Variants in ARHGEF38 observed in about 807,000 individuals in gnomAD.
ARHGEF38 encodes Rho guanine nucleotide exchange factor (GEF) 38.
Under a neutral mutation model 79.9 loss-of-function variants are expected in ARHGEF38, and 79 were observed. The observed-to-expected ratio is 0.99, with a 90% CI of 0.82 to 1.19. ARHGEF38 has a LOEUF of 1.19. ARHGEF38 is among the 50% of genes most tolerant of loss of function. The probability of loss-of-function intolerance (pLI) is 0.00; values close to 1 mark genes in which losing one functional copy is unlikely to be tolerated. For synonymous variants in ARHGEF38, 366 were observed against 328.3 expected, an observed-to-expected ratio of 1.11 and a Z score of -1.24; for missense variants, 962 against 907.2, an observed-to-expected ratio of 1.06 and a Z score of -0.78.
chr4:105,623,693 A>T (rs1560728491), intron 3 of ARHGEF38, among the ~76,000 whole-genome samples: 1 of 152,224 alleles, frequency 6.6e-6, no homozygotes, highest in African/African-American at 2.4e-5. Flanking sequence ...TTAGAACTGG[A>T]CTAATATTTC....
chr4:105,654,142 C>T lies in ARHGEF38; in HGVS notation c.1086C>T (p.Asn362=), dbSNP rs1299932210. 2 of 1,514,230 alleles carry T rather than the reference C, an allele frequency of 1.3e-6. No homozygotes were observed. The highest frequency in any genetic ancestry group is 2.7e-5 in the African/African-American group (2 of 72,830). 93.8% of individuals were successfully genotyped at this position (1,514,230 alleles called of 1,614,324 possible). A position where few individuals can be genotyped will look rare whatever the true frequency, so the allele number is the denominator to read the frequency against. The change falls in exon 8 of 14, where the codon AAC becomes AAT. Residue 362 remains asparagine (N), a synonymous_variant. Coordinates refer to ENST00000420470, the MANE Select transcript of ARHGEF38 (RefSeq NM_001242729.2). The part of the protein sequence containing the change: ...LEKTVRLCVK[N]ISLCLQHIQD... ...AGACTGTGAGGCTTTGTGTGAAGAA[C>T]ATTTCACTCTGTCTTCAACACATAC...
chr4:105,594,745 T>C (rs1238441301), intron 2 of ARHGEF38, among the ~76,000 whole-genome samples: 1 of 152,204 alleles, frequency 6.6e-6, no homozygotes, highest in Non-Finnish European at 1.5e-5. Flanking sequence ...CTGTAAACTT[T>C]AATCTTAACT....
chr4:105,575,444 G>T (rs1362269995), intron 1 of ARHGEF38, among the ~76,000 whole-genome samples: 1 of 152,036 alleles, frequency 6.6e-6, no homozygotes, highest in African/African-American at 2.4e-5. Flanking sequence ...TGGGTCATTT[G>T]TATATCTTCT....
chr4:105,577,430 T>C lies in ARHGEF38; in HGVS notation c.197-11818T>C, dbSNP rs570044001. Among the ~76,000 whole-genome samples the C allele has an allele frequency of 2.2e-3, 328 of 152,130 alleles. 3 individuals are homozygous for C. Among genetic ancestry groups the C allele is most frequent in the African/African-American group, 7.0e-3 (292 of 41,500 alleles). The stretch of plus-strand genomic sequence containing the variant: ...TTGTATCAGAGTGATGCTGGCTTCA[T>C]AGAATAATTTAGGTAGGATTCCCTC... On this transcript the variant is annotated intron_variant, in intron 1 of 13. Coordinates refer to ENST00000420470, the MANE Select transcript of ARHGEF38 (RefSeq NM_001242729.2).
chr4:105,636,099 T>C (rs926538410), intron 4 of ARHGEF38, among the ~76,000 whole-genome samples: 1 of 152,092 alleles, frequency 6.6e-6, no homozygotes, highest in Admixed American at 6.6e-5. Flanking sequence ...TCTTAAAATT[T>C]TTTTATATTG....
In ARHGEF38 at chr4:105,679,043, C is replaced by A; in HGVS notation, c.*1106C>A. The A allele has an allele frequency of 5.0e-6, 2 of 402,610 alleles. No homozygotes were observed. The highest frequency in any genetic ancestry group is 4.9e-5 in the South Asian group (1 of 20,596). 24.9% of individuals were successfully genotyped at this position (402,610 alleles called of 1,614,324 possible). A position where few individuals can be genotyped will look rare whatever the true frequency, so the allele number is the denominator to read the frequency against. On this transcript the variant is annotated 3_prime_UTR_variant, in exon 14 of 14. Coordinates refer to ENST00000420470, the MANE Select transcript of ARHGEF38 (RefSeq NM_001242729.2). ...AAGCTCACACTGCTAAATTAACTATCAAATACTCAGTCAAAACTCCATTTG... is the reference window on the plus strand; with the variant it reads ...AAGCTCACACTGCTAAATTAACTATAAAATACTCAGTCAAAACTCCATTTG...
intron 2 of ARHGEF38, among the ~76,000 whole-genome samples, chr4:105,591,826 C>T (rs1052695765): frequency 3.3e-5 from 5 of 152,142 alleles, no homozygotes; most frequent in African/African-American, 1.2e-4. Flanking sequence ...CTGGAAATTT[C>T]TTATTCATGA....
intron 3 of ARHGEF38, among the ~76,000 whole-genome samples, chr4:105,628,165 C>G (rs978075002): frequency 3.3e-5 from 5 of 152,156 alleles, no homozygotes; most frequent in Admixed American, 1.3e-4. Flanking sequence ...TTTAGCTCTT[C>G]TTTGTTTTTT....
At chr4:105,587,344 C>T (rs1337665903) in intron 1 of ARHGEF38, among the ~76,000 whole-genome samples, 1 of 152,136 alleles carries the variant, frequency 6.6e-6, no homozygotes, top group Non-Finnish European at 1.5e-5. Flanking sequence ...TAGCAAGCAC[C>T]CCCAAATTCT....
chr4:105,618,458 T>C (rs1728601096), intron 3 of ARHGEF38, among the ~76,000 whole-genome samples: 1 of 151,936 alleles, frequency 6.6e-6, no homozygotes, highest in Non-Finnish European at 1.5e-5. Flanking sequence ...CCTACTCTAC[T>C]AAAAATGCAA....
intron 9 of ARHGEF38, among the ~76,000 whole-genome samples, chr4:105,657,562 G>T (rs1730384007): frequency 6.6e-6 from 1 of 151,798 alleles, no homozygotes; most frequent in Non-Finnish European, 1.5e-5. Context: ...CCTAAGTAAA[G>T]GTGAATCATT....
intron 13 of ARHGEF38, among the ~76,000 whole-genome samples, chr4:105,669,926 G>T (rs112298560): frequency 5.3e-4 from 80 of 152,068 alleles, no homozygotes; most frequent in Middle Eastern, 3.4e-3. Flanking sequence ...TTTTCACTTA[G>T]CAAAATTTAT....
rs1730294775 is a variant in ARHGEF38, at chr4:105,655,719, CTT to C, written c.1232_1233del (p.Phe411CysfsTer31). ...LSNALNSCHD[F>X]ASHLQRLILT... ...GTAATGCCTTAAATTCGTGTCATGA[CTT>C]TGTAAGTTATTTATATTCACAGATA... On this transcript the variant is annotated frameshift_variant and splice_region_variant, in exon 9 of 14. Coordinates refer to ENST00000420470, the MANE Select transcript of ARHGEF38 (RefSeq NM_001242729.2). LOFTEE classifies it high-confidence loss of function. The C allele has an allele frequency of 2.0e-6, 3 of 1,533,542 alleles. No homozygotes were observed. Among genetic ancestry groups the C allele is most frequent in the Non-Finnish European group, 1.7e-6 (2 of 1,145,820 alleles). 95.0% of individuals were successfully genotyped at this position (1,533,542 alleles called of 1,614,324 possible). A position where few individuals can be genotyped will look rare whatever the true frequency, so the allele number is the denominator to read the frequency against.
At chr4:105,619,642 T>C (rs767960727) in intron 3 of ARHGEF38, among the ~76,000 whole-genome samples, 27 of 152,098 alleles carry the variant, frequency 1.8e-4, no homozygotes, top group African/African-American at 5.5e-4. Flanking sequence ...AAAGTGGAGA[T>C]TGGGTGCAAA....
At chr4:105,630,232 A>G (rs932842363) in intron 3 of ARHGEF38, among the ~76,000 whole-genome samples, 2 of 150,730 alleles carry the variant, frequency 1.3e-5, no homozygotes, top group Admixed American at 1.3e-4. Context: ...CGTGCACACC[A>G]ACTCTAAACT....
At chr4:105,667,050 A>G in intron 11 of ARHGEF38, 79 bp from the exon 12 acceptor site, 2 of 1,237,018 alleles carry the variant, frequency 1.6e-6, no homozygotes, top group Non-Finnish European at 1.1e-6. Context: ...AAAAATCTCC[A>G]GGGAAAAAAT....
At chr4:105,660,485 G>A (rs1375192488) in intron 10 of ARHGEF38, among the ~76,000 whole-genome samples, 1 of 150,714 alleles carries the variant, frequency 6.6e-6, no homozygotes, top group Non-Finnish European at 1.5e-5. Flanking sequence ...TGTTGCCCAG[G>A]TTGGAGTGCA....
intron 2 of ARHGEF38, among the ~76,000 whole-genome samples, chr4:105,606,582 T>G (rs1249136142): frequency 6.6e-6 from 1 of 152,014 alleles, no homozygotes. Context: ...TAATCATGAG[T>G]GTGAATAAGA....
chr4:105,610,446 A>G (rs534744239), intron 2 of ARHGEF38, among the ~76,000 whole-genome samples: 2 of 152,222 alleles, frequency 1.3e-5, no homozygotes, highest in South Asian at 2.1e-4. Flanking sequence ...TTTTAAAAAA[A>G]TGAATTTTAA....
Sources: gnomAD v4.1 joint callset for allele counts (sites outside exome capture counted in the v4.1 genomes callset) on GRCh38, gnomAD v4.1.1 for gene constraint, MANE v1.5 for transcripts, NCBI Gene and HGNC (gene_info 2026-07-23, HGNC 2026-07-21) for gene names.